TRAPPC10: variants seen among roughly 807,000 people sequenced by gnomAD.
The protein encoded by TRAPPC10 is TRAPP 130 kDa subunit.
A neutral mutation model predicts 125.5 loss-of-function variants in TRAPPC10; 23 were observed. That is an observed-to-expected ratio of 0.18 (90% CI 0.13 to 0.26). TRAPPC10 has a LOEUF of 0.26. Among genes scored for constraint, TRAPPC10 ranks in the 10% least tolerant of loss-of-function variants. TRAPPC10 has a pLI of 1.00. For missense variants in TRAPPC10, 1,123 were observed against 1,308.4 expected (o/e 0.86, Z 2.19); for synonymous variants, 509 against 518.0 (o/e 0.98, Z 0.24).
At chr21:44,092,619 C>G (rs370315980) in intron 19 of TRAPPC10, among the ~76,000 whole-genome samples, 2 of 138,846 alleles carry the variant, frequency 1.4e-5, no homozygotes, top group African/African-American at 5.5e-5. Flanking sequence ...TTTGCCCCCA[C>G]TAATCCTTTA....
chr21:44,026,224 C>T (rs1439036759), intron 1 of TRAPPC10, among the ~76,000 whole-genome samples: 3 of 152,054 alleles, frequency 2.0e-5, no homozygotes, highest in African/African-American at 7.2e-5. Flanking sequence ...CCACCCCCGA[C>T]TGCGAAGGCT....
intron 1 of TRAPPC10, among the ~76,000 whole-genome samples, chr21:44,018,328 C>T (rs1456898441): frequency 6.6e-6 from 1 of 151,938 alleles, no homozygotes; most frequent in Non-Finnish European, 1.5e-5. Flanking sequence ...TCACTTGGAC[C>T]TGGGACGTCA....
At position 44,083,997 on chromosome 21, in the gene TRAPPC10, G is replaced by A. The variant is rs1010269630; in HGVS notation, c.2239-125G>A. On this transcript the variant is annotated intron_variant, in intron 14 of 22. Coordinates refer to ENST00000291574, the MANE Select transcript of TRAPPC10 (RefSeq NM_003274.5). ...TAGAGGTTTAGGCACAAGAGCAGGG[G>A]GTACAAGAGGGAAAGAAGTACAGGC... 4.8e-6 allele frequency: 5 copies of A among 1,052,160 alleles called. No individual in the cohort carries two copies. In the South Asian group the frequency reaches 7.8e-5, roughly 16 times the overall value. 65.2% of individuals were successfully genotyped at this position (1,052,160 alleles called of 1,614,324 possible). A position where few individuals can be genotyped will look rare whatever the true frequency, so the allele number is the denominator to read the frequency against.
At chr21:44,052,762 G>A (rs1007659168) in intron 4 of TRAPPC10, among the ~76,000 whole-genome samples, 1 of 152,046 alleles carries the variant, frequency 6.6e-6, no homozygotes, top group Non-Finnish European at 1.5e-5. Context: ...AGCAGCTCCT[G>A]CAGTTCTTCT....
At chr21:44,069,422 T>C (rs1009530744) in intron 7 of TRAPPC10, among the ~76,000 whole-genome samples, 4 of 152,164 alleles carry the variant, frequency 2.6e-5, no homozygotes, top group African/African-American at 9.7e-5. Context: ...TCATGAATCA[T>C]AGCAAAATGC....
intron 3 of TRAPPC10, among the ~76,000 whole-genome samples, chr21:44,045,800 C>T (rs2034756546): frequency 6.6e-6 from 1 of 152,128 alleles, no homozygotes; most frequent in Non-Finnish European, 1.5e-5. Flanking sequence ...TTCTGATTCG[C>T]CCACCTCGGC....
intron 17 of TRAPPC10, chr21:44,089,500 C>T: frequency 2.1e-6 from 1 of 477,268 alleles, no homozygotes; most frequent in Non-Finnish European, 4.2e-6. Context: ...TTGCAACATG[C>T]ATGGCTCCGC....
chr21:44,089,642 A>G, intron 17 of TRAPPC10, 191 bp from the exon 18 acceptor site: 1 of 612,984 alleles, frequency 1.6e-6, no homozygotes, highest in Admixed American at 2.2e-5. Flanking sequence ...GTCTGTATGC[A>G]TAGCTTCCTG....
intron 12 of TRAPPC10, 52 bp from the exon 13 acceptor site, chr21:44,079,963 C>T: frequency 6.6e-7 from 1 of 1,508,914 alleles, no homozygotes; most frequent in Non-Finnish European, 9.2e-7. Context: ...ATCCACTTCC[C>T]CCCGCACTCC....
chr21:44,093,623 C>T (rs1436386554), intron 19 of TRAPPC10, among the ~76,000 whole-genome samples: 6 of 151,892 alleles, frequency 4.0e-5, no homozygotes, highest in South Asian at 2.1e-4. Context: ...CTGGGCATGG[C>T]GGCGTGCATC....
intron 2 of TRAPPC10, among the ~76,000 whole-genome samples, chr21:44,036,206 GAGAAAC>G (rs1285466081): frequency 2.0e-5 from 3 of 152,224 alleles, no homozygotes; most frequent in Admixed American, 6.5e-5. Flanking sequence ...GGGAATCAGA[GAGAAAC>G]AGAAGAAGAA....
intron 2 of TRAPPC10, among the ~76,000 whole-genome samples, chr21:44,034,105 G>A (rs2033799221): frequency 1.3e-5 from 2 of 152,184 alleles, no homozygotes; most frequent in Admixed American, 6.5e-5. Flanking sequence ...AAGAGAAACA[G>A]GTGGAGGAAT....
intron 20 of TRAPPC10, among the ~76,000 whole-genome samples, chr21:44,095,249 A>G (rs1408371210): frequency 6.6e-6 from 1 of 151,190 alleles, no homozygotes; most frequent in East Asian, 1.9e-4. Context: ...TTATTTATTT[A>G]TTTATTTATT....
chr21:44,017,778 T>C (rs1408888927), intron 1 of TRAPPC10, among the ~76,000 whole-genome samples: 1 of 152,106 alleles, frequency 6.6e-6, no homozygotes, highest in African/African-American at 2.4e-5. Context: ...ACTTGCTTTT[T>C]ATCAGAGCAG....
Position 44,047,565 on chromosome 21 carries a change from T to TGTGTGTGC in TRAPPC10, c.286-4714_286-4713insTGTGTGCG, listed in dbSNP as rs954810521. On this transcript the variant is annotated intron_variant, in intron 3 of 22. Transcript: ENST00000291574. ...GTGTGTGTGTGTGTGTGTGTGTGTG[T>TGTGTGTGC]GCGCGCACACGCTACATGAAGTTCC... Among the ~76,000 whole-genome samples the TGTGTGTGC allele has an allele frequency of 9.6e-4, 141 of 147,190 alleles. 1 individual carries two copies. The highest frequency in any genetic ancestry group is 1.7e-3 in the South Asian group (8 of 4,588).
intron 7 of TRAPPC10, among the ~76,000 whole-genome samples, chr21:44,066,904 C>T (rs1027120218): frequency 1.3e-5 from 2 of 152,206 alleles, no homozygotes; most frequent in Non-Finnish European, 2.9e-5. Flanking sequence ...TGTTTTCCTG[C>T]ACCTTTGGTA....
At chr21:44,083,931 C>T (rs370780748) in intron 14 of TRAPPC10, among the ~76,000 whole-genome samples, 191 bp from the exon 15 acceptor site, 10 of 152,184 alleles carry the variant, frequency 6.6e-5, no homozygotes, top group African/African-American at 1.9e-4. Flanking sequence ...CAGAAAATCA[C>T]GAATTGAGAG....
At chr21:44,046,522 T>TTTG (rs1569163756) in intron 3 of TRAPPC10, 14 of 163,152 alleles carry the variant, frequency 8.6e-5, no homozygotes, top group South Asian at 4.2e-4. Context: ...TTTTTTTTTT[T>TTTG]GGGGGGAGGA....
chr21:44,029,981 CT>C (rs2033428992), intron 1 of TRAPPC10, among the ~76,000 whole-genome samples: 1 of 152,176 alleles, frequency 6.6e-6, no homozygotes, highest in Admixed American at 6.5e-5. Context: ...TCAGATGACA[CT>C]TTTGCCACTG....
Sources: allele counts gnomAD v4.1 joint callset (sites outside exome capture counted in the v4.1 genomes callset), GRCh38; gene constraint gnomAD v4.1.1; transcripts MANE v1.5; gene names NCBI Gene and HGNC (gene_info 2026-07-23, HGNC 2026-07-21).